ZFPM1: variants seen among roughly 807,000 people sequenced by gnomAD.
The protein encoded by ZFPM1 is zinc finger protein, FOG family member 1, also known as zinc finger protein ZFPM1.
A neutral mutation model predicts 46.3 loss-of-function variants in ZFPM1; 28 were observed. That is an observed-to-expected ratio of 0.60 (90% CI 0.45 to 0.83). The LOEUF (loss-of-function observed/expected upper bound fraction) is 0.83. ZFPM1 is among the 40% of genes least tolerant of loss of function. The pLI, the probability that ZFPM1 is intolerant of heterozygous loss-of-function variation, is 0.00. For synonymous variants in ZFPM1, 957 were observed against 675.9 expected (o/e 1.42, Z -6.45); for missense variants, 1,878 against 1,432.4 (o/e 1.31, Z -5.02).
intron 1 of ZFPM1, among the ~76,000 whole-genome samples, chr16:88,483,958 G>C (rs112195171): frequency 6.6e-6 from 1 of 152,156 alleles, no homozygotes; most frequent in South Asian, 2.1e-4. Flanking sequence ...TCGCATCTTC[G>C]GGGGTCTCTG....
At chr16:88,529,970 G>A (rs1173297322) in intron 6 of ZFPM1, among the ~76,000 whole-genome samples, 1 of 152,182 alleles carries the variant, frequency 6.6e-6, no homozygotes, top group Non-Finnish European at 1.5e-5. Context: ...GGCAGGGGCT[G>A]GGCAAGCCAC....
chr16:88,503,138 G>A (rs1910464281), intron 3 of ZFPM1, among the ~76,000 whole-genome samples: 1 of 152,244 alleles, frequency 6.6e-6, no homozygotes, highest in Non-Finnish European at 1.5e-5. Context: ...GGGCCAGTGG[G>A]GACCCCCGTG....
Position 88,533,341 on chromosome 16 carries a change from C to A in ZFPM1, c.1383C>A (p.Ser461Arg). ...GCGAGCCCCCGGCGGCCCCCAGGAG[C>A]ATCAAGGTGGAGGCGGTGGAGGAGC... The part of the protein sequence containing the change: ...GSSEPPAAPR[S>R]IKVEAVEEPE... Residue 461 changes from serine (S) to arginine (R), a missense_variant, in exon 10 of 10, where the codon AGC (serine) becomes AGA (arginine). Physicochemically the swap from Ser to Arg is moderately radical, Grantham distance 110. Coordinates refer to ENST00000319555, the MANE Select transcript of ZFPM1 (RefSeq NM_153813.3). 1 of 1,531,982 alleles carries A rather than the reference C, an allele frequency of 6.5e-7. No homozygotes were observed. The allele number at this position is 1,531,982 out of a possible 1,614,324, so 94.9% of individuals were successfully genotyped here.
chr16:88,514,104 C>G (rs1434355050), intron 3 of ZFPM1, among the ~76,000 whole-genome samples: 1 of 152,232 alleles, frequency 6.6e-6, no homozygotes, highest in African/African-American at 2.4e-5. Flanking sequence ...GCCTGTCCCA[C>G]CCGCAGCCCT....
At chr16:88,472,383 C>T (rs1908467735) in intron 1 of ZFPM1, among the ~76,000 whole-genome samples, 1 of 140,516 alleles carries the variant, frequency 7.1e-6, no homozygotes, top group African/African-American at 2.7e-5. Flanking sequence ...GAGACTGAGT[C>T]TCGCTGTGTC....
chr16:88,453,673 TC>T lies in ZFPM1; in HGVS notation c.36del (p.Lys13SerfsTer126). ...SRRKQSNPRQ[I>X]KRSLGDMEAR... Reference sequence around the variant, plus strand: ...CGGAAACAGAGCAACCCCCGGCAGATCAAGCGTGAGTCAAACTTTGCCCGCG... The same window carrying T: ...CGGAAACAGAGCAACCCCCGGCAGATAAGCGTGAGTCAAACTTTGCCCGCG... On this transcript the variant is annotated frameshift_variant, in exon 1 of 10. Transcript: ENST00000319555. LOFTEE classifies it high-confidence loss of function. 1 of 1,200,010 alleles carries T rather than the reference TC, an allele frequency of 8.3e-7. No individual in the cohort carries two copies. The highest frequency in any genetic ancestry group is 1.1e-6 in the Non-Finnish European group (1 of 949,270). The allele number at this position is 1,200,010 out of a possible 1,614,324, so 74.3% of individuals were successfully genotyped here. A position where few individuals can be genotyped will look rare whatever the true frequency, so the allele number is the denominator to read the frequency against.
At chr16:88,514,975 G>A (rs867915713) in intron 4 of ZFPM1, among the ~76,000 whole-genome samples, 3 of 152,174 alleles carry the variant, frequency 2.0e-5, no homozygotes, top group East Asian at 1.9e-4. Flanking sequence ...GCCTCGGCAC[G>A]TGTGCTCATC....
intron 4 of ZFPM1, chr16:88,515,964 T>C: frequency 2.5e-6 from 1 of 395,566 alleles, no homozygotes. Context: ...ACTCTCAAAG[T>C]GTCAAGAAAA....
rs948702280 is a variant in ZFPM1 at position 88,474,568 on chromosome 16, G to A, written c.41-11371G>A. On this transcript the variant is annotated intron_variant, in intron 1 of 9. Coordinates refer to ENST00000319555, the MANE Select transcript of ZFPM1 (RefSeq NM_153813.3). ...CCATCCCTGGGCCGTGCAGGGCTCC[G>A]TCCCACTTCGGGGGGCGGGGGGCTC... 3.3e-5 allele frequency among the ~76,000 whole-genome samples: 5 copies of A among 152,256 alleles called. No homozygotes were observed. The East Asian group carries it at 7.7e-4, about 24-fold the overall frequency.
At chr16:88,510,422 G>A (rs185636303) in intron 3 of ZFPM1, among the ~76,000 whole-genome samples, 18 of 152,320 alleles carry the variant, frequency 1.2e-4, no homozygotes, top group African/African-American at 2.9e-4. Flanking sequence ...GGGTGTAATC[G>A]GAGGGCTTTA....
intron 3 of ZFPM1, among the ~76,000 whole-genome samples, chr16:88,493,847 C>G (rs1909770351): frequency 6.6e-6 from 1 of 152,140 alleles, no homozygotes; most frequent in South Asian, 2.1e-4. Context: ...TTTTTGTTTT[C>G]AAAAGTTCTG....
upstream of ZFPM1, among the ~76,000 whole-genome samples, chr16:88,452,112 C>T (rs149433803): frequency 2.4e-4 from 36 of 152,290 alleles, no homozygotes; most frequent in African/African-American, 8.7e-4. Flanking sequence ...GGCCCACTGA[C>T]GCCCGTTTCT....
At chr16:88,498,152 C>T (rs1270765759) in intron 3 of ZFPM1, among the ~76,000 whole-genome samples, 1 of 152,120 alleles carries the variant, frequency 6.6e-6, no homozygotes, top group Non-Finnish European at 1.5e-5. Flanking sequence ...TCAGGAGCCA[C>T]CTCCTCTGGC....
rs1013738317 is a variant in ZFPM1 at position 88,535,388 on chromosome 16, T to C, written c.*409T>C. On this transcript the variant is annotated 3_prime_UTR_variant, in exon 10 of 10. Coordinates refer to ENST00000319555, the MANE Select transcript of ZFPM1 (RefSeq NM_153813.3). ...CTCTGGGCCTACCCCACCCCAGCCC[T>C]GTCCATACCCCCCTAGGGAGAGCAG... 15 of 158,272 alleles carry C rather than the reference T, an allele frequency of 9.5e-5. No individual in the cohort carries two copies. The highest frequency in any genetic ancestry group is 2.1e-4 in the Non-Finnish European group (15 of 72,268). 9.8% of individuals were successfully genotyped at this position (158,272 alleles called of 1,614,324 possible).
chr16:88,527,599 G>A (rs769054354), intron 5 of ZFPM1, among the ~76,000 whole-genome samples: 7 of 152,170 alleles, frequency 4.6e-5, no homozygotes, highest in South Asian at 2.1e-4. Context: ...AGCCGGCCCC[G>A]CGCAGCCTGG....
rs564997883 is a variant in ZFPM1 at position 88,484,195 on chromosome 16, C to T, written c.41-1744C>T. Among the ~76,000 whole-genome samples, 550 of 152,284 alleles carry T rather than the reference C, an allele frequency of 3.6e-3. 6 individuals carry two copies. The highest frequency in any genetic ancestry group is 0.013 in the African/African-American group (528 of 41,558). On this transcript the variant is annotated intron_variant, in intron 1 of 9. Coordinates refer to ENST00000319555, the MANE Select transcript of ZFPM1 (RefSeq NM_153813.3). The stretch of plus-strand genomic sequence containing the variant: ...TGAAGCTGGGCACATGTGGGCGCTT[C>T]GGTGTGTTTTTCTGGGGAGGAGGCA...
chr16:88,478,422 T>G (rs1204300464), intron 1 of ZFPM1, among the ~76,000 whole-genome samples: 4 of 152,226 alleles, frequency 2.6e-5, no homozygotes, highest in Non-Finnish European at 5.9e-5. Context: ...CCCGAGGGCC[T>G]CTTCATTCTT....
At chr16:88,529,155 C>T (rs1289429757) in intron 6 of ZFPM1, among the ~76,000 whole-genome samples, 2 of 151,640 alleles carry the variant, frequency 1.3e-5, no homozygotes, top group Non-Finnish European at 2.9e-5. Flanking sequence ...TGGTGCGCCC[C>T]GTGCACCTCT....
At chr16:88,481,633 G>A (rs988634923) in intron 1 of ZFPM1, among the ~76,000 whole-genome samples, 19 of 151,860 alleles carry the variant, frequency 1.3e-4, no homozygotes, top group African/African-American at 3.6e-4. Flanking sequence ...AGCCGTCACC[G>A]AGTCCCCGTA....
Sources: allele counts gnomAD v4.1 joint callset (sites outside exome capture counted in the v4.1 genomes callset), GRCh38; gene constraint gnomAD v4.1.1; transcripts MANE v1.5; gene names NCBI Gene and HGNC (gene_info 2026-07-23, HGNC 2026-07-21).